RGS6: variants seen among roughly 807,000 people sequenced by gnomAD.
RGS6 encodes regulator of G-protein signaling 6.
In RGS6, 30 loss-of-function variants were observed where a neutral mutation model predicts 78.5. That is an observed-to-expected ratio of 0.38 (90% CI 0.29 to 0.52). RGS6 has a LOEUF of 0.52. RGS6 is among the 20% of genes least tolerant of loss of function. The pLI is 0.85. For missense variants in RGS6, 495 were observed against 609.7 expected (o/e 0.81, Z 1.98); for synonymous variants, 206 against 206.0 (o/e 1.00, Z 0.00).
intron 2 of RGS6, among the ~76,000 whole-genome samples, chr14:72,070,903 C>T (rs191304609): frequency 2.0e-5 from 3 of 152,130 alleles, no homozygotes; most frequent in South Asian, 2.1e-4. Context: ...ATGTTTTGTG[C>T]GTGTGTATTT....
intron 3 of RGS6, among the ~76,000 whole-genome samples, chr14:72,377,563 T>A (rs2085066774): frequency 6.6e-6 from 1 of 152,178 alleles, no homozygotes; most frequent in African/African-American, 2.4e-5. Context: ...CTAACGACAT[T>A]TACAGAATAT....
intron 2 of RGS6, among the ~76,000 whole-genome samples, chr14:72,081,326 G>T (rs1054486706): frequency 6.6e-6 from 1 of 152,008 alleles, no homozygotes; most frequent in Non-Finnish European, 1.5e-5. Context: ...TTTGTTGTAT[G>T]TGGAAATGCT....
intron 2 of RGS6, among the ~76,000 whole-genome samples, chr14:72,227,906 A>G (rs1366516816): frequency 6.6e-6 from 1 of 152,162 alleles, no homozygotes; most frequent in East Asian, 1.9e-4. Flanking sequence ...TTTATGTGCC[A>G]GTAATTACAA....
Position 72,550,775 on chromosome 14 carries a change from ATTC to A in RGS6, c.1422+10684_1422+10686del, listed in dbSNP as rs1378808410. On this transcript the variant is annotated intron_variant, in intron 17 of 17. Coordinates refer to ENST00000553525, the MANE Select transcript of RGS6 (RefSeq NM_001204424.2). ...TGGTAGTGATTCAGCTTCACATCTC[ATTC>A]TTGGCTAATCTTTAATCATAGCTTG... 3 of 703,182 alleles carry A rather than the reference ATTC, an allele frequency of 4.3e-6. No individual in the cohort carries two copies. In the African/African-American group the frequency reaches 5.3e-5, roughly 13 times the overall value. The allele number at this position is 703,182 out of a possible 1,614,324, so 43.6% of individuals were successfully genotyped here.
intron 2 of RGS6, among the ~76,000 whole-genome samples, chr14:72,247,101 C>T (rs1258712506): frequency 6.6e-6 from 1 of 152,188 alleles, no homozygotes; most frequent in East Asian, 1.9e-4. Flanking sequence ...CCTAAAATAA[C>T]TTCCGTGAAG....
rs573802361 is a variant in RGS6 at position 72,506,432 on chromosome 14, T to C, written c.966-3722T>C. On this transcript the variant is annotated intron_variant, in intron 13 of 17. Coordinates refer to ENST00000553525, the MANE Select transcript of RGS6 (RefSeq NM_001204424.2). ...CTGGAGATGGATGTTGAAAGATATT[T>C]TAATTTGCAGAATTATTTTATAACC... Among the ~76,000 whole-genome samples the C allele has an allele frequency of 1.1e-4, 17 of 152,334 alleles. 1 individual carries two copies. In the South Asian group the frequency reaches 3.5e-3, roughly 32 times the overall value.
chr14:72,507,885 G>A (rs1450637134), intron 13 of RGS6, among the ~76,000 whole-genome samples: 1 of 152,186 alleles, frequency 6.6e-6, no homozygotes, highest in Non-Finnish European at 1.5e-5. Context: ...CATGACCTTG[G>A]CAGAAAGAGA....
At chr14:72,152,653 G>A (rs1243878022) in intron 2 of RGS6, among the ~76,000 whole-genome samples, 1 of 152,156 alleles carries the variant, frequency 6.6e-6, no homozygotes, top group Non-Finnish European at 1.5e-5. Flanking sequence ...CTTTACTGGG[G>A]ACATTCTTGT....
chr14:71,922,898 C>A, the RGS6 span, among the ~76,000 whole-genome samples: 1,154 of 142,206 alleles, frequency 8.1e-3, 16 homozygotes, highest in African/African-American at 0.028. Context: ...AAAAAAGGAA[C>A]CTAGATGCTA....
At position 72,118,584 on chromosome 14, in the gene RGS6, GC is replaced by G. The variant is rs1351730673; in HGVS notation, c.84+153710del. On this transcript the variant is annotated intron_variant, in intron 2 of 17. Coordinates refer to ENST00000553525, the MANE Select transcript of RGS6 (RefSeq NM_001204424.2). Reference sequence around the variant, plus strand: ...AGAAGCCTCCTGCTACAGCCTAGGAGCAGAACAGTAAACCCAGGTTTCCAAA... The same window carrying G: ...AGAAGCCTCCTGCTACAGCCTAGGAGAGAACAGTAAACCCAGGTTTCCAAA... Among the ~76,000 whole-genome samples, 6 of 152,322 alleles carry G rather than the reference GC, an allele frequency of 3.9e-5. No individual in the cohort carries two copies. The East Asian group carries it at 1.2e-3, about 29-fold the overall frequency.
the RGS6 span, among the ~76,000 whole-genome samples, chr14:71,902,995 A>G: frequency 6.6e-6 from 1 of 152,220 alleles, no homozygotes; most frequent in Non-Finnish European, 1.5e-5. Flanking sequence ...GACTCATTGG[A>G]TAAACCAGGT....
rs199969113 is a variant in RGS6, at chr14:72,277,613, A to T, written c.85-74482A>T. Among the ~76,000 whole-genome samples, 848 of 151,286 alleles carry T rather than the reference A, an allele frequency of 5.6e-3. 21 individuals are homozygous for T. Among genetic ancestry groups the T allele is most frequent in the Admixed American group, 0.024 (372 of 15,200 alleles). On this transcript the variant is annotated intron_variant, in intron 2 of 17. Coordinates refer to ENST00000553525, the MANE Select transcript of RGS6 (RefSeq NM_001204424.2). The stretch of plus-strand genomic sequence containing the variant: ...TCCATCTAAAAAATAAAAAAAAAAA[A>T]TTTTAAATTTAAAAATCTCTACTCT...
rs528043081 is a variant in RGS6, at chr14:72,288,328, G to T, written c.85-63767G>T. On this transcript the variant is annotated intron_variant, in intron 2 of 17. Transcript: ENST00000553525. ...AATTATCCTGGTGGAATGGCTTCTG[G>T]AATATCACCATAATACTGAAATTTA... Among the ~76,000 whole-genome samples the T allele has an allele frequency of 3.3e-5, 5 of 152,256 alleles. No individual in the cohort carries two copies. In the East Asian group the frequency reaches 9.6e-4, roughly 29 times the overall value.
chr14:72,149,182 T>C (rs888286350), intron 2 of RGS6, among the ~76,000 whole-genome samples: 3 of 152,206 alleles, frequency 2.0e-5, no homozygotes, highest in African/African-American at 7.2e-5. Flanking sequence ...TCTTCAGAGC[T>C]TGGTCTGCTG....
intron 13 of RGS6, among the ~76,000 whole-genome samples, chr14:72,503,629 A>C (rs1250649179): frequency 6.6e-6 from 1 of 152,226 alleles, no homozygotes; most frequent in Non-Finnish European, 1.5e-5. Flanking sequence ...GGTTCCAAGT[A>C]AGTCCAAAAT....
chr14:71,997,624 C>G (rs1202417850), intron 2 of RGS6, among the ~76,000 whole-genome samples: 1 of 151,974 alleles, frequency 6.6e-6, no homozygotes. Context: ...TTTCAGGCAG[C>G]AAGAAGGGAA....
chr14:72,343,392 A>G (rs1185587071), intron 2 of RGS6, among the ~76,000 whole-genome samples: 2 of 152,164 alleles, frequency 1.3e-5, no homozygotes, highest in Admixed American at 1.3e-4. Flanking sequence ...TCTCTAACCA[A>G]CTATAGCTGG....
chr14:72,620,108 C>G, the RGS6 span: 1 of 951,508 alleles, frequency 1.1e-6, no homozygotes, highest in Non-Finnish European at 1.5e-6. Context: ...TTCCAGGCCC[C>G]ACTTGGAGTC....
At chr14:71,911,301 C>T in the RGS6 span, among the ~76,000 whole-genome samples, 1 of 152,228 alleles carries the variant, frequency 6.6e-6, no homozygotes, top group Non-Finnish European at 1.5e-5. Context: ...AGAACCATCA[C>T]ACTTCTTTAT....
Sources: allele counts gnomAD v4.1 joint callset (sites outside exome capture counted in the v4.1 genomes callset), GRCh38; gene constraint gnomAD v4.1.1; transcripts MANE v1.5; gene names NCBI Gene and HGNC (gene_info 2026-07-23, HGNC 2026-07-21).